The following TAFA2 variants were observed in gnomAD, a reference collection of about 807,000 sequenced individuals.
The protein encoded by TAFA2 is TAFA chemokine like family member 2, also known as chemokine-like protein TAFA-2.
TAFA2 carries 7 observed loss-of-function variants against 18.8 expected under a neutral mutation model. That is an observed-to-expected ratio of 0.37 (90% confidence interval 0.21 to 0.70). The LOEUF (loss-of-function observed/expected upper bound fraction) is 0.70, where lower values mean the gene tolerates loss of function less well. TAFA2 is among the 30% of genes least tolerant of loss of function. The pLI is 0.53. For synonymous variants in TAFA2, 60 were observed against 54.2 expected (o/e 1.11, Z -0.47); for missense variants, 122 against 158.1 (o/e 0.77, Z 1.23).
chr12:61,789,113 G>C (rs558446922), intron 2 of TAFA2, among the ~76,000 whole-genome samples: 13 of 151,964 alleles, frequency 8.6e-5, no homozygotes, highest in African/African-American at 3.1e-4. Context: ...TCTGATGATA[G>C]TTTCTTTTCC....
At chr12:61,768,988 T>C (rs1487319158) in intron 2 of TAFA2, among the ~76,000 whole-genome samples, 1 of 151,876 alleles carries the variant, frequency 6.6e-6, no homozygotes, top group East Asian at 2.0e-4. Flanking sequence ...TGAAATGAAC[T>C]CTGTGCTGTT....
chr12:61,836,379 G>A (rs920643300), intron 2 of TAFA2, among the ~76,000 whole-genome samples: 1 of 151,898 alleles, frequency 6.6e-6, no homozygotes, highest in South Asian at 2.1e-4. Context: ...TTCTGCAAGT[G>A]TCTTAGATTC....
chr12:62,134,535 G>A (rs1445074309), intron 1 of TAFA2, among the ~76,000 whole-genome samples: 1 of 151,998 alleles, frequency 6.6e-6, no homozygotes, highest in African/African-American at 2.4e-5. Flanking sequence ...AGAAAAAATG[G>A]TTGTTTAAGG....
intron 1 of TAFA2, among the ~76,000 whole-genome samples, chr12:62,202,973 C>T (rs918246801): frequency 3.3e-5 from 5 of 151,894 alleles, no homozygotes; most frequent in African/African-American, 1.2e-4. Context: ...ACTAAAGGCA[C>T]ATGCCAACAT....
At chr12:61,989,421 G>A (rs1299272101) in intron 1 of TAFA2, among the ~76,000 whole-genome samples, 1 of 141,728 alleles carries the variant, frequency 7.1e-6, no homozygotes, top group East Asian at 2.1e-4. Context: ...ATTGACAAAT[G>A]TCCATCGCAT....
intron 1 of TAFA2, among the ~76,000 whole-genome samples, chr12:61,905,367 C>T (rs1008955858): frequency 6.6e-6 from 1 of 152,024 alleles, no homozygotes; most frequent in Non-Finnish European, 1.5e-5. Context: ...AACTATAGTT[C>T]AATAACCCAA....
intron 1 of TAFA2, among the ~76,000 whole-genome samples, chr12:61,992,836 A>G (rs1880056192): frequency 6.6e-6 from 1 of 152,230 alleles, no homozygotes; most frequent in African/African-American, 2.4e-5. Flanking sequence ...CTAAATCAAG[A>G]AAAATGCCTT....
chr12:62,092,064 A>C (rs974004541), intron 1 of TAFA2, among the ~76,000 whole-genome samples: 45 of 152,050 alleles, frequency 3.0e-4, no homozygotes, highest in African/African-American at 1.1e-3. Flanking sequence ...ATCGGTGCCC[A>C]AAATTCTACC....
chr12:62,232,699 A>T (rs1424991382), intron 1 of TAFA2, among the ~76,000 whole-genome samples: 5 of 152,060 alleles, frequency 3.3e-5, no homozygotes, highest in Non-Finnish European at 7.4e-5. Flanking sequence ...TTTAGTAGAG[A>T]TAGGGTTTCA....
In TAFA2 at chr12:62,192,429, C is replaced by T. The variant is rs2062630429; in HGVS notation, c.-1172G>A. On this transcript the variant is annotated 5_prime_UTR_variant, in exon 1 of 5. Transcript: ENST00000416284. Reference sequence around the variant, plus strand: ...GAGCGGGGGGAGGGGGCCGAGGAAACAAATCCAGATCACCGGCGGAGAAAG... The same window carrying T: ...GAGCGGGGGGAGGGGGCCGAGGAAATAAATCCAGATCACCGGCGGAGAAAG... 1 of 152,380 alleles carries T rather than the reference C, an allele frequency of 6.6e-6. No individual in the cohort carries two copies. Among genetic ancestry groups the T allele is most frequent in the Non-Finnish European group, 1.5e-5 (1 of 68,192 alleles). 9.4% of individuals were successfully genotyped at this position (152,380 alleles called of 1,614,324 possible).
chr12:62,158,461 C>A (rs1471361865), intron 1 of TAFA2, among the ~76,000 whole-genome samples: 2 of 152,158 alleles, frequency 1.3e-5, no homozygotes, highest in African/African-American at 2.4e-5. Context: ...CTGGTGAGTT[C>A]TTCGCAATTT....
intron 1 of TAFA2, among the ~76,000 whole-genome samples, chr12:62,005,542 G>A (rs1880517578): frequency 6.6e-6 from 1 of 152,064 alleles, no homozygotes; most frequent in Non-Finnish European, 1.5e-5. Flanking sequence ...TAGCTTACTA[G>A]AAACTTTAAT....
At chr12:61,885,474 G>A (rs547478275) in intron 1 of TAFA2, among the ~76,000 whole-genome samples, 1 of 152,256 alleles carries the variant, frequency 6.6e-6, no homozygotes, top group South Asian at 2.1e-4. Flanking sequence ...GACACCATCT[G>A]CTGACACCAC....
chr12:61,743,072 A>C (rs1449411815), intron 4 of TAFA2, among the ~76,000 whole-genome samples: 1 of 151,984 alleles, frequency 6.6e-6, no homozygotes, highest in Non-Finnish European at 1.5e-5. Context: ...ATCATGATAC[A>C]AACTCAACCT....
intron 2 of TAFA2, among the ~76,000 whole-genome samples, chr12:61,803,612 T>G (rs560708920): frequency 6.6e-6 from 1 of 152,050 alleles, no homozygotes; most frequent in South Asian, 2.1e-4. Flanking sequence ...GACATAATAC[T>G]TGAACATAAA....
chr12:61,851,720 A>G (rs929237793), intron 2 of TAFA2, among the ~76,000 whole-genome samples: 1 of 126,742 alleles, frequency 7.9e-6, no homozygotes, highest in Non-Finnish European at 1.6e-5. Flanking sequence ...GCTTGCAGTG[A>G]ACCGAGATTG....
intron 1 of TAFA2, among the ~76,000 whole-genome samples, chr12:62,179,512 T>C (rs2136949720): frequency 6.6e-6 from 1 of 152,318 alleles, no homozygotes; most frequent in Admixed American, 6.5e-5. Context: ...CTGGAACTCA[T>C]TATTTTTGAC....
At chr12:62,001,625 C>T (rs565716835) in intron 1 of TAFA2, among the ~76,000 whole-genome samples, 23 of 152,028 alleles carry the variant, frequency 1.5e-4, no homozygotes, top group East Asian at 5.8e-4. Flanking sequence ...GGAGCTCAGG[C>T]GGTAATGCAA....
At chr12:62,011,135 C>A (rs144359981) in intron 1 of TAFA2, among the ~76,000 whole-genome samples, 15,827 of 150,284 alleles carry the variant, frequency 0.11, 1,037 homozygotes, top group East Asian at 0.17. Context: ...AGCGCCTCTG[C>A]CCGGCCGCCC....
Sources: allele counts gnomAD v4.1 joint callset (sites outside exome capture counted in the v4.1 genomes callset), GRCh38; gene constraint gnomAD v4.1.1; transcripts MANE v1.5; gene names NCBI Gene and HGNC (gene_info 2026-07-23, HGNC 2026-07-21).